ANTXR2: variants seen among roughly 807,000 people sequenced by gnomAD.
The protein encoded by ANTXR2 is ANTXR cell adhesion molecule 2.
ANTXR2 carries 44 observed loss-of-function variants against 73.7 expected under a neutral mutation model. The observed-to-expected ratio is 0.60, with a 90% confidence interval of 0.47 to 0.77. The LOEUF (loss-of-function observed/expected upper bound fraction) is 0.77, where lower values mean the gene tolerates loss of function less well. ANTXR2 is among the 30% of genes least tolerant of loss of function. The pLI, the probability that ANTXR2 is intolerant of heterozygous loss-of-function variation, is 0.00. For missense variants in ANTXR2, 604 were observed against 592.5 expected (o/e 1.02, Z -0.20); for synonymous variants, 217 against 205.9 (o/e 1.05, Z -0.46).
At chr4:79,979,852 G>GA (rs75117048) in intron 14 of ANTXR2, among the ~76,000 whole-genome samples, 72,945 of 151,456 alleles carry the variant, frequency 0.48, 20,115 homozygotes, top group East Asian at 0.94. Flanking sequence ...CAATTTTAAG[G>GA]AAAAAAAAGA....
chr4:79,910,516 A>G (rs1218132077), intron 16 of ANTXR2, among the ~76,000 whole-genome samples: 2 of 109,034 alleles, frequency 1.8e-5, no homozygotes, highest in Non-Finnish European at 3.4e-5. Flanking sequence ...TCAAAAAAAA[A>G]AAAAAAGAAA....
intron 12 of ANTXR2, among the ~76,000 whole-genome samples, chr4:79,985,206 C>G (rs978933078): frequency 6.6e-6 from 1 of 151,646 alleles, no homozygotes; most frequent in Non-Finnish European, 1.5e-5. Context: ...AAAAATTAGC[C>G]GGGCGTGGTG....
intron 16 of ANTXR2, among the ~76,000 whole-genome samples, chr4:79,959,843 T>A (rs1157172136): frequency 6.6e-6 from 1 of 152,166 alleles, no homozygotes; most frequent in Non-Finnish European, 1.5e-5. Context: ...AGAGGGAAGG[T>A]CGCATTGTCT....
At position 80,071,113 on chromosome 4, in the gene ANTXR2, A is replaced by AAC. The variant is rs1734766219; in HGVS notation, c.224+468_224+469dup. Among the ~76,000 whole-genome samples the AAC allele has an allele frequency of 5.3e-5, 8 of 152,316 alleles. No individual in the cohort carries two copies. The South Asian group carries it at 1.7e-3, about 32-fold the overall frequency. Reference sequence around the variant, plus strand: ...TGTGTAAACACAAGTCGTTGCTTTAAACACACACACAAGTGCCTTTTCTGG... The same window carrying AAC: ...TGTGTAAACACAAGTCGTTGCTTTAAACACACACACACAAGTGCCTTTTCTGG... On this transcript the variant is annotated intron_variant, in intron 2 of 16. Transcript: ENST00000403729.
chr4:80,008,512 C>T lies in ANTXR2; in HGVS notation c.1041+9G>A. The T allele has an allele frequency of 6.3e-7, 1 of 1,596,130 alleles. No homozygotes were observed. Reference sequence around the variant, plus strand: ...TTTTTAAGTAGAGTTGTAAATCCTTCTTACTCACCACTTTGCAGCAAAGGG... The same window carrying T: ...TTTTTAAGTAGAGTTGTAAATCCTTTTTACTCACCACTTTGCAGCAAAGGG... On this transcript the variant is annotated intron_variant, in intron 12 of 16. Coordinates refer to ENST00000403729, the MANE Select transcript of ANTXR2 (RefSeq NM_058172.6).
chr4:79,957,349 G>T (rs1292164547), intron 16 of ANTXR2, among the ~76,000 whole-genome samples: 2 of 152,112 alleles, frequency 1.3e-5, no homozygotes, highest in Admixed American at 6.6e-5. Context: ...GTTGATAAAT[G>T]AAACAAATGA....
chr4:79,924,547 T>C (rs909197279), intron 16 of ANTXR2, among the ~76,000 whole-genome samples: 1 of 152,126 alleles, frequency 6.6e-6, no homozygotes, highest in Non-Finnish European at 1.5e-5. Flanking sequence ...TTTCAATTAC[T>C]ATAGCACTTT....
At chr4:79,991,590 T>C (rs1308455465) in intron 12 of ANTXR2, among the ~76,000 whole-genome samples, 1 of 152,068 alleles carries the variant, frequency 6.6e-6, no homozygotes, top group African/African-American at 2.4e-5. Flanking sequence ...AATCCAGCAA[T>C]CCCATTATTG....
intron 10 of ANTXR2, among the ~76,000 whole-genome samples, chr4:80,025,535 C>T (rs1181655774): frequency 3.3e-5 from 5 of 152,152 alleles, no homozygotes; most frequent in Non-Finnish European, 7.4e-5. Flanking sequence ...TCAATTTGCA[C>T]ATACTGAAAA....
intron 11 of ANTXR2, among the ~76,000 whole-genome samples, chr4:80,010,318 G>A (rs887056662): frequency 1.3e-5 from 2 of 152,176 alleles, no homozygotes; most frequent in Non-Finnish European, 2.9e-5. Flanking sequence ...ATGGAAAACT[G>A]TGGTACCCTA....
At chr4:80,017,482 G>C (rs772011573) in intron 11 of ANTXR2, among the ~76,000 whole-genome samples, 3 of 151,874 alleles carry the variant, frequency 2.0e-5, no homozygotes, top group African/African-American at 7.3e-5. Flanking sequence ...AAACCATCTT[G>C]AGTCATATTA....
chr4:79,919,882 T>C (rs1293760115), intron 16 of ANTXR2, among the ~76,000 whole-genome samples: 1 of 123,660 alleles, frequency 8.1e-6, no homozygotes, highest in Non-Finnish European at 1.7e-5. Flanking sequence ...TATATATATA[T>C]ATATATATAT....
chr4:79,961,213 T>G (rs1729127810), intron 16 of ANTXR2, among the ~76,000 whole-genome samples: 1 of 151,898 alleles, frequency 6.6e-6, no homozygotes, highest in African/African-American at 2.4e-5. Context: ...TTATAGTAAT[T>G]TATTTAAATA....
At chr4:79,929,391 T>C (rs1407977117) in intron 16 of ANTXR2, among the ~76,000 whole-genome samples, 1 of 152,002 alleles carries the variant, frequency 6.6e-6, no homozygotes, top group African/African-American at 2.4e-5. Flanking sequence ...CAGATGCCTG[T>C]AATCCCAGCT....
intron 11 of ANTXR2, among the ~76,000 whole-genome samples, chr4:80,013,359 C>T (rs990429037): frequency 7.2e-5 from 11 of 152,156 alleles, no homozygotes; most frequent in African/African-American, 2.2e-4. Flanking sequence ...CAAGCCCTGC[C>T]GTCAATGTCT....
rs183034552 is a variant in ANTXR2 at position 80,026,788 on chromosome 4, T to C, written c.866+4835A>G. 4.4e-3 allele frequency among the ~76,000 whole-genome samples: 677 copies of C among 152,282 alleles called. 8 individuals are homozygous for C. The highest frequency in any genetic ancestry group is 0.015 in the African/African-American group (642 of 41,570). ...GGAGAGTTAATGCATCACATCTGAA[T>C]AGTATTTTTTTCAGTATTTTAAATT... On this transcript the variant is annotated intron_variant, in intron 10 of 16. Transcript: ENST00000403729.
intron 3 of ANTXR2, among the ~76,000 whole-genome samples, chr4:80,060,122 C>A (rs1036425298): frequency 6.6e-6 from 1 of 150,814 alleles, no homozygotes; most frequent in Non-Finnish European, 1.5e-5. Flanking sequence ...TATGTGAACA[C>A]CGTGATTCTA....
At position 79,917,317 on chromosome 4, in the gene ANTXR2, G is replaced by GA. The variant is rs200021955; in HGVS notation, c.1429-9851dup. Among the ~76,000 whole-genome samples the GA allele has an allele frequency of 6.3e-3, 953 of 150,714 alleles. 4 individuals are homozygous for GA. Among genetic ancestry groups the GA allele is most frequent in the Non-Finnish European group, 9.8e-3 (660 of 67,566 alleles). On this transcript the variant is annotated intron_variant, in intron 16 of 16. Transcript: ENST00000403729. ...AGGTTTGGGACATGGCAAGAGGAAAGAAAAAAAAATAGCCCTGAGGGACCC... is the reference window on the plus strand; with the variant it reads ...AGGTTTGGGACATGGCAAGAGGAAAGAAAAAAAAAATAGCCCTGAGGGACCC...
intron 14 of ANTXR2, among the ~76,000 whole-genome samples, chr4:79,979,064 C>A (rs1024991967): frequency 6.6e-6 from 1 of 152,202 alleles, no homozygotes; most frequent in African/African-American, 2.4e-5. Context: ...GAGAATTCCA[C>A]AAATTATAGC....
Sources: allele counts gnomAD v4.1 joint callset (sites outside exome capture counted in the v4.1 genomes callset), GRCh38; gene constraint gnomAD v4.1.1; transcripts MANE v1.5; gene names NCBI Gene and HGNC (gene_info 2026-07-23, HGNC 2026-07-21).